The following SCN10A variants were observed in gnomAD, a reference collection of about 807,000 sequenced individuals.
The protein encoded by SCN10A is sodium channel protein type 10 subunit alpha.
SCN10A carries 162 observed loss-of-function variants against 170.7 expected under a neutral mutation model. The ratio of observed to expected loss-of-function variants is 0.95; its 90% CI spans 0.84 to 1.08. SCN10A has a LOEUF of 1.08. SCN10A is among the 50% of genes least tolerant of loss of function. The pLI is 0.00. For missense variants in SCN10A, 2,527 were observed against 2,436.9 expected, an observed-to-expected ratio of 1.04 and a Z score of -0.78; for synonymous variants, 985 against 904.6, an observed-to-expected ratio of 1.09 and a Z score of -1.59.
intron 13 of SCN10A, among the ~76,000 whole-genome samples, chr3:38,746,163 C>T (rs1400838659): frequency 6.8e-6 from 1 of 146,570 alleles, no homozygotes; most frequent in Non-Finnish European, 1.5e-5. Context: ...ACTGGACACC[C>T]CTACCTAGAT....
In SCN10A at chr3:38,791,805, C is replaced by G. The variant is rs183204453; in HGVS notation, c.389+245G>C. Among the ~76,000 whole-genome samples, 25 of 152,316 alleles carry G rather than the reference C, an allele frequency of 1.6e-4. No individual in the cohort carries two copies. In the East Asian group the frequency reaches 4.2e-3, roughly 26 times the overall value. On this transcript the variant is annotated intron_variant, in intron 3 of 27. Transcript: ENST00000449082. ...TCAAGTTGTGCATCCACAGGTGTGT[C>G]TAGATTAGTCTGAGGTGAATCCAAA...
rs7618620 is a variant in SCN10A, at chr3:38,742,565, A to C, written c.1868-36T>G. Reference sequence around the variant, plus strand: ...GTGTGGTCAATGACAGCTGTCAGCCATGTGTCACCTTGGACCCCAATTCTG... The same window carrying C: ...GTGTGGTCAATGACAGCTGTCAGCCCTGTGTCACCTTGGACCCCAATTCTG... On this transcript the variant is annotated intron_variant, in intron 13 of 27. Coordinates refer to ENST00000449082, the MANE Select transcript of SCN10A (RefSeq NM_006514.4). 0.051 allele frequency: 79,558 copies of C among 1,551,272 alleles called. 4,240 individuals carry two copies. The highest frequency in any genetic ancestry group is 0.21 in the African/African-American group (15,483 of 73,728).
chr3:38,742,856 C>T (rs1004597584), intron 13 of SCN10A, among the ~76,000 whole-genome samples: 3 of 152,218 alleles, frequency 2.0e-5, no homozygotes, highest in African/African-American at 7.2e-5. Flanking sequence ...TAGGCACCCT[C>T]AATTCCTTTG....
At position 38,728,836 on chromosome 3, in the gene SCN10A, G is replaced by T. The variant is rs1281973322; in HGVS notation, c.2346C>A (p.Asn782Lys). The T allele has an allele frequency of 7.4e-6, 12 of 1,614,206 alleles. No homozygotes were observed. Among genetic ancestry groups the T allele is most frequent in the Non-Finnish European group, 9.3e-6 (11 of 1,180,036 alleles). ...TGAGGTTCCCCAGTGCCCCCACTGA[G>T]TTTCCGATGATCTTGATGAGTGTGT... is the stretch of plus-strand genomic sequence containing the variant. ...TLNTLIKIIG[N>K]SVGALGNLTI... Residue 782 changes from asparagine (N) to lysine (K), a missense_variant, in exon 16 of 28, where the codon AAC becomes AAA. Physicochemically the swap from Asn to Lys is moderately conservative, Grantham distance 94. Transcript: ENST00000449082.
chr3:38,704,074 G>T (rs993265211), intron 26 of SCN10A, among the ~76,000 whole-genome samples: 1 of 152,230 alleles, frequency 6.6e-6, no homozygotes, highest in Admixed American at 6.5e-5. Context: ...GCAAGCCTCT[G>T]CATGAGTGGC....
chr3:38,794,966 T>G (rs1193715185), intron 1 of SCN10A, among the ~76,000 whole-genome samples: 1 of 152,182 alleles, frequency 6.6e-6, no homozygotes, highest in Non-Finnish European at 1.5e-5. Flanking sequence ...ATGAGAGGTA[T>G]CTTCCTACAT....
rs756962592 is a variant in SCN10A at position 38,792,015 on chromosome 3, G to A, written c.389+35C>T. 4 of 1,610,666 alleles carry A rather than the reference G, an allele frequency of 2.5e-6. No individual in the cohort carries two copies. The East Asian group carries it at 6.7e-5, about 27-fold the overall frequency. On this transcript the variant is annotated intron_variant, in intron 3 of 27. Coordinates refer to ENST00000449082, the MANE Select transcript of SCN10A (RefSeq NM_006514.4). ...TGGACACAGTAGGCAAGGTCTAATT[G>A]TAACACGTGGAAGAGGCAATCGTGC...
chr3:38,777,007 A>T (rs1332500557), intron 4 of SCN10A, among the ~76,000 whole-genome samples: 1 of 152,054 alleles, frequency 6.6e-6, no homozygotes, highest in Non-Finnish European at 1.5e-5. Flanking sequence ...GTCTCAACAA[A>T]CAAGAAATGG....
At chr3:38,719,083 G>T (rs527612542) in intron 20 of SCN10A, among the ~76,000 whole-genome samples, 1 of 152,364 alleles carries the variant, frequency 6.6e-6, no homozygotes, top group South Asian at 2.1e-4. Context: ...GATGCTGAAT[G>T]CAAGGGAGAA....
Position 38,736,977 on chromosome 3 carries a change from T to TTTTG in SCN10A, c.2280+2537_2280+2538insCAAA, listed in dbSNP as rs1553618252. The stretch of plus-strand genomic sequence containing the variant: ...CAGAAATGTTCGTTTTTTTTTTTTT[T>TTTTG]TTTTTTTTTTTGAGACGGAGTCCCG... On this transcript the variant is annotated intron_variant, in intron 15 of 27. Coordinates refer to ENST00000449082, the MANE Select transcript of SCN10A (RefSeq NM_006514.4). 5.5e-5 allele frequency among the ~76,000 whole-genome samples: 6 copies of TTTTG among 108,716 alleles called. 1 individual carries two copies. The East Asian group carries it at 9.3e-4, about 17-fold the overall frequency. The allele number at this position is 108,716 out of a possible 152,430, so 71.3% of individuals were successfully genotyped here.
intron 14 of SCN10A, 41 bp from the exon 15 acceptor site, chr3:38,739,729 G>C: frequency 6.7e-7 from 1 of 1,494,486 alleles, no homozygotes; most frequent in South Asian, 1.2e-5. Context: ...GGGATCTGTG[G>C]GGTCGGAGGC....
intron 15 of SCN10A, among the ~76,000 whole-genome samples, chr3:38,737,961 A>T (rs1397521155): frequency 6.9e-6 from 1 of 144,532 alleles, no homozygotes; most frequent in African/African-American, 2.6e-5. Context: ...CTTTTTTGAG[A>T]CAGGTTCTTA....
rs1305746838 is a variant in SCN10A at position 38,718,707 on chromosome 3, G to A, written c.3627C>T (p.Gly1209=). The part of the protein sequence containing the change: ...FEMLLKWVAY[G]FKKYFTNAWC... Reference sequence around the variant, plus strand: ...AGGCATTGGTGAAGTACTTTTTGAAGCCATAGGCCACCCACTTAAGCAGCA... The same window carrying A: ...AGGCATTGGTGAAGTACTTTTTGAAACCATAGGCCACCCACTTAAGCAGCA... The change falls in exon 21 of 28, where the codon GGC becomes GGT. Residue 1209 remains glycine, a synonymous_variant. Coordinates refer to ENST00000449082, the MANE Select transcript of SCN10A (RefSeq NM_006514.4). The A allele has an allele frequency of 6.2e-7, 1 of 1,614,214 alleles. No homozygotes were observed. Among genetic ancestry groups the A allele is most frequent in the Non-Finnish European group, 8.5e-7 (1 of 1,180,026 alleles).
In SCN10A at chr3:38,718,736, C is replaced by G. The variant is rs202199966; in HGVS notation, c.3598G>C (p.Glu1200Gln). ...DRVFTFIFVF[E>Q]MLLKWVAYGF... is the part of the protein sequence containing the mutation. The stretch of plus-strand genomic sequence containing the variant: ...TAGGCCACCCACTTAAGCAGCATCT[C>G]GAACACAAAGATAAAGGTGAAGACC... Residue 1200 changes from glutamate (E) to glutamine (Q), a missense_variant, in exon 21 of 28, where the codon GAG becomes CAG. Transcript: ENST00000449082. The G allele has an allele frequency of 6.2e-7, 1 of 1,614,196 alleles. No individual in the cohort carries two copies. The highest frequency in any genetic ancestry group is 1.1e-5 in the South Asian group (1 of 91,086).
At chr3:38,765,557 T>C (rs1448640146) in intron 5 of SCN10A, among the ~76,000 whole-genome samples, 1 of 152,206 alleles carries the variant, frequency 6.6e-6, no homozygotes, top group Non-Finnish European at 1.5e-5. Flanking sequence ...TCTATTCTTT[T>C]CCATTGGTCT....
chr3:38,752,370 C>A lies in SCN10A; in HGVS notation c.1604G>T (p.Gly535Val), dbSNP rs556526024. Residue 535 changes from glycine to valine, a missense_variant, in exon 12 of 28, where the codon GGC becomes GTC. Coordinates refer to ENST00000449082, the MANE Select transcript of SCN10A (RefSeq NM_006514.4). ...AGCACCCCCACCCAGCAGCAGAGAG[C>A]CCCGATGGCTTTCGTGGTCTCCAGG... Reference protein sequence around the residue: ...VFPGDHESHRGSLLLGGGAGQ... With the variant: ...VFPGDHESHRVSLLLGGGAGQ... The A allele has an allele frequency of 1.2e-5, 19 of 1,613,944 alleles. No homozygotes were observed. In the African/African-American group the frequency reaches 1.9e-4, roughly 16 times the overall value.
At position 38,792,069 on chromosome 3, in the gene SCN10A, T is replaced by A; in HGVS notation, c.370A>T (p.Ile124Phe). ...SPFNLIRRTA[I>F]KVSVHSWFSL... is the part of the protein sequence containing the mutation. ...GGATATGAGTGGACAGACACTTTGA[T>A]GGCCGTTCTTCTGATCAGGTTGAAA... The change falls in exon 3 of 28, where the codon ATC becomes TTC. Residue 124 changes from isoleucine (I) to phenylalanine (F), a missense_variant. Ile to Phe is a conservative substitution (Grantham distance 21). Transcript: ENST00000449082. 7.4e-6 allele frequency: 12 copies of A among 1,613,730 alleles called. No homozygotes were observed. Among genetic ancestry groups the A allele is most frequent in the Non-Finnish European group, 1.0e-5 (12 of 1,179,750 alleles).
rs934148052 is a variant in SCN10A at position 38,698,571 on chromosome 3, G to A, written c.4658-9C>T. ...TGCAGAAAAAATCAGGCCTTTAAAA[G>A]AAGGAAGAAATTATCTAATTAGTAT... On this transcript the variant is annotated splice_polypyrimidine_tract_variant and intron_variant, in intron 27 of 27. Coordinates refer to ENST00000449082, the MANE Select transcript of SCN10A (RefSeq NM_006514.4). The A allele has an allele frequency of 3.1e-6, 5 of 1,608,274 alleles. No individual in the cohort carries two copies. In the Admixed American group the frequency reaches 8.4e-5, roughly 27 times the overall value.
At chr3:38,703,787 A>G (rs958728385) in intron 26 of SCN10A, among the ~76,000 whole-genome samples, 2 of 152,178 alleles carry the variant, frequency 1.3e-5, no homozygotes, top group African/African-American at 2.4e-5. Context: ...TTATCCAGCC[A>G]GGAATTAACA....
Sources: gnomAD v4.1 joint callset for allele counts (sites outside exome capture counted in the v4.1 genomes callset) on GRCh38, gnomAD v4.1.1 for gene constraint, MANE v1.5 for transcripts, NCBI Gene and HGNC (gene_info 2026-07-23, HGNC 2026-07-21) for gene names.